RAB27B: variants seen among roughly 807,000 people sequenced by gnomAD.
The protein encoded by RAB27B is ras-related protein Rab-27B.
In RAB27B, 15 loss-of-function variants were observed where a neutral mutation model predicts 24.6. The observed-to-expected ratio is 0.61, with a 90% CI of 0.41 to 0.94. RAB27B has a LOEUF of 0.94. Among genes scored for constraint, RAB27B ranks in the 40% least tolerant of loss-of-function variants. The pLI is 0.00. For synonymous variants in RAB27B, 105 were observed against 92.5 expected (o/e 1.14, Z -0.78); for missense variants, 261 against 266.8 (o/e 0.98, Z 0.15).
At chr18:54,797,145 A>G (rs748756601) in intron 2 of RAB27B, among the ~76,000 whole-genome samples, 19 of 152,250 alleles carry the variant, frequency 1.2e-4, no homozygotes, top group Non-Finnish European at 2.2e-4. Flanking sequence ...GCAAACAGAC[A>G]TTTGAGTGCA....
rs764075021 is a variant in RAB27B, at chr18:54,884,324, C to T, written c.240-9C>T. 1.6e-5 allele frequency: 25 copies of T among 1,581,310 alleles called. No homozygotes were observed. Among genetic ancestry groups the T allele is most frequent in the African/African-American group, 4.0e-5 (3 of 74,164 alleles). On this transcript the variant is annotated splice_polypyrimidine_tract_variant and intron_variant, in intron 3 of 5. Transcript: ENST00000262094. ...ACTTTCAGAACTACCCACTGTGTTT[C>T]CTTGGCAGGTTCCGGAGTCTCACCA...
intron 3 of RAB27B, among the ~76,000 whole-genome samples, chr18:54,882,697 G>A (rs1456973437): frequency 6.6e-6 from 1 of 152,196 alleles, no homozygotes; most frequent in Admixed American, 6.5e-5. Context: ...CAGGGGAGCA[G>A]AGTGAACTTT....
At chr18:54,787,210 G>T (rs950421312) in intron 2 of RAB27B, among the ~76,000 whole-genome samples, 3 of 152,204 alleles carry the variant, frequency 2.0e-5, no homozygotes, top group African/African-American at 7.2e-5. Context: ...GGTACCAGCT[G>T]CCAGCTCGTC....
chr18:54,855,149 T>C (rs967565636), intron 1 of RAB27B, among the ~76,000 whole-genome samples: 2 of 152,208 alleles, frequency 1.3e-5, no homozygotes, highest in Admixed American at 1.3e-4. Flanking sequence ...CCCAGATCCC[T>C]TGCATGTGCA....
chr18:54,862,788 C>T (rs1053519849), intron 1 of RAB27B, among the ~76,000 whole-genome samples: 3 of 152,144 alleles, frequency 2.0e-5, no homozygotes, highest in African/African-American at 2.4e-5. Flanking sequence ...CACCAACCTG[C>T]GCTGCTGTTT....
At chr18:54,832,545 G>A (rs1023274797) in intron 1 of RAB27B, among the ~76,000 whole-genome samples, 1 of 152,210 alleles carries the variant, frequency 6.6e-6, no homozygotes, top group Non-Finnish European at 1.5e-5. Context: ...GAAGCAAGTG[G>A]CTATGGATAC....
At chr18:54,849,705 A>G (rs1911481108) in intron 1 of RAB27B, among the ~76,000 whole-genome samples, 1 of 152,234 alleles carries the variant, frequency 6.6e-6, no homozygotes, top group Non-Finnish European at 1.5e-5. Flanking sequence ...TGGGCGACAG[A>G]GCCAGACTCT....
At chr18:54,765,164 A>G (rs973865741) in intron 2 of RAB27B, among the ~76,000 whole-genome samples, 3 of 152,182 alleles carry the variant, frequency 2.0e-5, no homozygotes, top group Admixed American at 6.6e-5. Context: ...TCTCATTAGC[A>G]TAACGATTTT....
At chr18:54,736,636 G>GGT (rs1430355844) in intron 2 of RAB27B, among the ~76,000 whole-genome samples, 1 of 152,004 alleles carries the variant, frequency 6.6e-6, no homozygotes, top group Non-Finnish European at 1.5e-5. Flanking sequence ...TTAGTCTCTG[G>GGT]GTGTGTGTGT....
At chr18:54,868,673 G>T (rs1370623710) in intron 1 of RAB27B, among the ~76,000 whole-genome samples, 2 of 151,922 alleles carry the variant, frequency 1.3e-5, no homozygotes, top group Admixed American at 1.3e-4. Flanking sequence ...GCCCAGGCTG[G>T]AGTACAATGG....
intron 1 of RAB27B, among the ~76,000 whole-genome samples, chr18:54,833,846 T>G (rs1598941413): frequency 6.6e-6 from 1 of 151,450 alleles, no homozygotes; most frequent in African/African-American, 2.4e-5. Context: ...AGAAAAGGAG[T>G]TTGGAGAATG....
intron 2 of RAB27B, among the ~76,000 whole-genome samples, chr18:54,768,321 A>G (rs116922835): frequency 0.025 from 3,738 of 152,270 alleles, 69 homozygotes; most frequent in Non-Finnish European, 0.041. Flanking sequence ...GGAAGCAGCA[A>G]TATGTGGCAA....
intron 2 of RAB27B, among the ~76,000 whole-genome samples, chr18:54,738,580 C>T (rs752503602): frequency 1.4e-4 from 22 of 152,078 alleles, no homozygotes; most frequent in Non-Finnish European, 2.5e-4. Context: ...TCAATTAAAC[C>T]CCTTTCTTTA....
At chr18:54,775,679 A>C (rs1392595005) in intron 2 of RAB27B, among the ~76,000 whole-genome samples, 2 of 152,164 alleles carry the variant, frequency 1.3e-5, no homozygotes, top group African/African-American at 2.4e-5. Flanking sequence ...CTCTCCCATG[A>C]AACTACTTGT....
At chr18:54,734,455 A>G (rs1318010493) in intron 2 of RAB27B, among the ~76,000 whole-genome samples, 2 of 152,170 alleles carry the variant, frequency 1.3e-5, no homozygotes, top group East Asian at 1.9e-4. Flanking sequence ...GCAGAGATCT[A>G]TTTGATGATG....
At position 54,889,485 on chromosome 18, in the gene RAB27B, ATTG is replaced by A. The variant is rs566676799; in HGVS notation, c.*79_*81del. On this transcript the variant is annotated 3_prime_UTR_variant, in exon 6 of 6. Coordinates refer to ENST00000262094, the MANE Select transcript of RAB27B (RefSeq NM_004163.4). ...TTTAAAAACAATGACAAACCACACA[ATTG>A]TTGTTGAGTAAACCACGCACAATGG... is the stretch of plus-strand genomic sequence containing the variant. The A allele has an allele frequency of 2.9e-6, 4 of 1,387,628 alleles. No individual in the cohort carries two copies. The highest frequency in any genetic ancestry group is 3.9e-6 in the Non-Finnish European group (4 of 1,033,724). The allele number at this position is 1,387,628 out of a possible 1,614,324, so 86.0% of individuals were successfully genotyped here. A position where few individuals can be genotyped will look rare whatever the true frequency, so the allele number is the denominator to read the frequency against.
chr18:54,820,891 T>C (rs1438140859), intron 2 of RAB27B, among the ~76,000 whole-genome samples: 2 of 142,688 alleles, frequency 1.4e-5, no homozygotes, highest in African/African-American at 5.0e-5. Flanking sequence ...CCCCATTTCT[T>C]GGTTTTGTCA....
intron 2 of RAB27B, among the ~76,000 whole-genome samples, chr18:54,774,272 G>GGTATTTTA: frequency 6.6e-6 from 1 of 152,164 alleles, no homozygotes; most frequent in African/African-American, 2.4e-5. Flanking sequence ...AAAAATATTA[G>GGTATTTTA]CATGTTAATA....
intron 4 of RAB27B, 120 bp from the exon 5 acceptor site, chr18:54,887,875 A>G: frequency 8.2e-7 from 1 of 1,212,126 alleles, no homozygotes; most frequent in Admixed American, 2.2e-5. Flanking sequence ...CTTGGCCAAT[A>G]TAACTAGTAA....
Sources: allele counts gnomAD v4.1 joint callset (sites outside exome capture counted in the v4.1 genomes callset), GRCh38; gene constraint gnomAD v4.1.1; transcripts MANE v1.5; gene names NCBI Gene and HGNC (gene_info 2026-07-23, HGNC 2026-07-21).